IGF2R: variants seen among roughly 807,000 people sequenced by gnomAD.
IGF2R encodes insulin like growth factor 2 receptor.
Under a neutral mutation model 270.6 loss-of-function variants are expected in IGF2R, and 91 were observed. That is an observed-to-expected ratio of 0.34 (90% CI 0.28 to 0.40). The LOEUF (loss-of-function observed/expected upper bound fraction) is 0.40. Ranked by LOEUF, IGF2R falls within the 10% of genes least tolerant of loss-of-function variation. IGF2R has a pLI of 1.00. For synonymous variants in IGF2R, 1,316 were observed against 1,258.9 expected (o/e 1.05, Z -0.96); for missense variants, 2,805 against 3,188.3 (o/e 0.88, Z 2.90).
intron 29 of IGF2R, among the ~76,000 whole-genome samples, chr6:160,065,782 ATGTGTGTGTGTGTGTG>A (rs57759831): frequency 1.1e-5 from 1 of 93,192 alleles, no homozygotes; most frequent in South Asian, 4.0e-4. Context: ...AGATATGTGT[ATGTGTGTGTGTGTGTG>A]TGTGTGTGTG....
chr6:159,987,817 T>C (rs958718872), intron 1 of IGF2R, among the ~76,000 whole-genome samples: 1 of 152,342 alleles, frequency 6.6e-6, no homozygotes, highest in Middle Eastern at 3.4e-3. Flanking sequence ...TTTAAAGCTG[T>C]GACTAAGAAC....
At chr6:160,089,769 A>G (rs1054197931) in intron 43 of IGF2R, 147 bp from the exon 44 acceptor site, 1 of 500,070 alleles carries the variant, frequency 2.0e-6, no homozygotes, top group Non-Finnish European at 3.5e-6. Flanking sequence ...GGGGTCACAG[A>G]CGTGCTGCCC....
intron 1 of IGF2R, among the ~76,000 whole-genome samples, chr6:159,988,239 G>A (rs1460587200): frequency 6.6e-6 from 1 of 152,122 alleles, no homozygotes; most frequent in African/African-American, 2.4e-5. Flanking sequence ...TAGCAGGCCG[G>A]GCGCGGTGGC....
At chr6:160,064,693 A>G (rs1056489198) in intron 28 of IGF2R, 111 bp from the exon 29 acceptor site, 10 of 1,097,542 alleles carry the variant, frequency 9.1e-6, no homozygotes, top group Middle Eastern at 2.0e-4. Flanking sequence ...ATCAGTTAGT[A>G]TTGATTTTCA....
chr6:160,074,157 C>A, intron 35 of IGF2R, 182 bp downstream of exon 35: 1 of 592,002 alleles, frequency 1.7e-6, no homozygotes, highest in East Asian at 2.8e-5. Context: ...TTGAACTGTT[C>A]GCTGATGATG....
At chr6:160,080,342 C>T (rs944493262) in intron 39 of IGF2R, 67 bp downstream of exon 39, 1 of 1,481,528 alleles carries the variant, frequency 6.7e-7, no homozygotes, top group South Asian at 1.2e-5. Flanking sequence ...TCGATTCACA[C>T]TGAGACCTTT....
chr6:160,090,234 C>A, intron 44 of IGF2R, 131 bp downstream of exon 44: 2 of 582,132 alleles, frequency 3.4e-6, no homozygotes, highest in Non-Finnish European at 5.6e-6. Context: ...TAATTCTTTA[C>A]TTTGTTATGA....
At chr6:159,969,497 C>A (rs1466995622) in intron 1 of IGF2R, 102 bp downstream of exon 1, 2 of 906,704 alleles carry the variant, frequency 2.2e-6, no homozygotes, top group South Asian at 5.3e-5. Flanking sequence ...GTCTCCAAGT[C>A]GCCTCCGTTC....
chr6:160,030,104 C>G (rs925437643), intron 7 of IGF2R, among the ~76,000 whole-genome samples: 3 of 152,194 alleles, frequency 2.0e-5, no homozygotes, highest in African/African-American at 7.2e-5. Context: ...TGCCTTCTCC[C>G]CTCTTTCTCA....
intron 12 of IGF2R, 73 bp downstream of exon 12, chr6:160,043,361 C>A (rs1363978819): frequency 2.0e-6 from 3 of 1,485,610 alleles, no homozygotes; most frequent in African/African-American, 1.4e-5. Flanking sequence ...GTTAGAAGAT[C>A]TTTCTGTGGT....
rs1487052582 is a variant in IGF2R, at chr6:160,089,144, G to A, written c.6358G>A (p.Asp2120Asn). 6.2e-7 allele frequency: 1 copy of A among 1,614,054 alleles called. No homozygotes were observed. The highest frequency in any genetic ancestry group is 1.7e-5 in the Admixed American group (1 of 60,024). The part of the protein sequence containing the change: ...IDSCTYYFSW[D>N]SRAACAVKPQ... ...CAGCTGCACTTACTACTTCAGCTGG[G>A]ACTCCCGGGCTGCCTGCGCCGTGAA... The change falls in exon 43 of 48, where the codon GAC becomes AAC. Residue 2120 changes from aspartate to asparagine, a missense_variant. Around this residue, in one of 2 missense-constraint regions of IGF2R, gnomAD observed 1,851 missense variants for 2,207.2 expected, o/e 0.84. Transcript: ENST00000356956.
In IGF2R at chr6:160,105,872, TCAAA is replaced by T. The variant is rs3832385; in HGVS notation, c.*792_*795del. Reference sequence around the variant, plus strand: ...TCAGTATTTTTGCCGGCTGGTGAATTCAAACAACCTGCCCAAAGATTGATTTGTG... The same window carrying T: ...TCAGTATTTTTGCCGGCTGGTGAATTCAACCTGCCCAAAGATTGATTTGTG... On this transcript the variant is annotated 3_prime_UTR_variant, in exon 48 of 48. Transcript: ENST00000356956. 40,783 of 151,684 alleles carry T rather than the reference TCAAA, an allele frequency of 0.27. 5,581 individuals carry two copies. The highest frequency in any genetic ancestry group is 0.43 in the East Asian group (2,195 of 5,116). 9.4% of individuals were successfully genotyped at this position (151,684 alleles called of 1,614,324 possible).
At chr6:160,043,515 G>A (rs897681886) in intron 12 of IGF2R, among the ~76,000 whole-genome samples, 41 of 152,360 alleles carry the variant, frequency 2.7e-4, no homozygotes, top group African/African-American at 9.9e-4. Flanking sequence ...CCATAACTGG[G>A]AACAGAAGGA....
intron 5 of IGF2R, among the ~76,000 whole-genome samples, chr6:160,026,606 G>A (rs545333249): frequency 3.2e-4 from 49 of 152,220 alleles, no homozygotes; most frequent in Non-Finnish European, 6.9e-4. Flanking sequence ...ATGGTAAAGA[G>A]CAACCTAGCT....
chr6:160,099,790 C>T (rs1436736595), intron 45 of IGF2R, among the ~76,000 whole-genome samples: 1 of 152,206 alleles, frequency 6.6e-6, no homozygotes, highest in African/African-American at 2.4e-5. Flanking sequence ...ACACACTGTA[C>T]TGGACAACAG....
chr6:159,999,377 T>G (rs1342693694), intron 2 of IGF2R, among the ~76,000 whole-genome samples: 2 of 152,178 alleles, frequency 1.3e-5, no homozygotes, highest in Non-Finnish European at 2.9e-5. Flanking sequence ...TGGCGTTACT[T>G]TAGCCTCCAC....
intron 20 of IGF2R, among the ~76,000 whole-genome samples, chr6:160,057,130 C>A (rs1672211732): frequency 6.6e-6 from 1 of 152,154 alleles, no homozygotes; most frequent in South Asian, 2.1e-4. Context: ...TAGGGTGAGG[C>A]CTGTGTGTCT....
At chr6:160,078,553 A>G (rs1778905329) in intron 37 of IGF2R, among the ~76,000 whole-genome samples, 191 bp downstream of exon 37, 1 of 152,192 alleles carries the variant, frequency 6.6e-6, no homozygotes, top group Non-Finnish European at 1.5e-5. Context: ...TGGCCAACTC[A>G]GCGCAGCTGA....
In IGF2R at chr6:160,084,209, C is replaced by T. The variant is rs1311858181; in HGVS notation, c.6068+25C>T. On this transcript the variant is annotated intron_variant, in intron 40 of 47. Coordinates refer to ENST00000356956, the MANE Select transcript of IGF2R (RefSeq NM_000876.4). The surrounding 1 kb of genome is among the most constrained non-coding windows in gnomAD (Gnocchi z 4.6). The stretch of plus-strand genomic sequence containing the variant: ...CGTGAGTGCCTTCCCAGTCCACCCG[C>T]GGCGCCACACCCTCAGCATGTGAAC... The T allele has an allele frequency of 1.8e-5, 25 of 1,389,636 alleles. No homozygotes were observed. Among genetic ancestry groups the T allele is most frequent in the Admixed American group, 5.1e-5 (3 of 59,366 alleles). 86.1% of individuals were successfully genotyped at this position (1,389,636 alleles called of 1,614,324 possible). A position where few individuals can be genotyped will look rare whatever the true frequency, so the allele number is the denominator to read the frequency against.
Sources: allele counts gnomAD v4.1 joint callset (sites outside exome capture counted in the v4.1 genomes callset), GRCh38; gene constraint gnomAD v4.1.1; regional missense constraint gnomAD v4.1.1; non-coding constraint Gnocchi (gnomAD v3.1); transcripts MANE v1.5; gene names NCBI Gene and HGNC (gene_info 2026-07-23, HGNC 2026-07-21).